Variants in ELAVL4 observed in about 807,000 individuals in gnomAD.
ELAVL4 encodes ELAV like RNA binding protein 4.
A neutral mutation model predicts 35.6 loss-of-function variants in ELAVL4; 1 was observed. The ratio of observed to expected loss-of-function variants is 0.03; its 90% CI spans 0.01 to 0.13. The LOEUF is 0.13. Ranked by LOEUF, ELAVL4 falls within the 10% of genes least tolerant of loss-of-function variation. The pLI, the probability that ELAVL4 is intolerant of heterozygous loss-of-function variation, is 1.00. For missense variants in ELAVL4, 267 were observed against 464.9 expected (o/e 0.57, Z 3.91); for synonymous variants, 156 against 171.0 (o/e 0.91, Z 0.69).
At chr1:50,122,453 T>C (rs1382511909) in intron 1 of ELAVL4, among the ~76,000 whole-genome samples, 2 of 152,246 alleles carry the variant, frequency 1.3e-5, no homozygotes, top group East Asian at 1.9e-4. Context: ...GTTGGATTAA[T>C]TCTCCTCTAG....
chr1:50,139,520 G>A (rs183970793), intron 1 of ELAVL4, among the ~76,000 whole-genome samples: 8 of 152,244 alleles, frequency 5.3e-5, no homozygotes, highest in Admixed American at 5.2e-4. Context: ...TGTTATCTCT[G>A]TATCCCCAGA....
At chr1:50,085,323 GGTCACAC>G (rs1297303975) in intron 1 of ELAVL4, among the ~76,000 whole-genome samples, 1 of 152,138 alleles carries the variant, frequency 6.6e-6, no homozygotes. Flanking sequence ...TTTCCTTTGA[GGTCACAC>G]AGAGAATGTA....
chr1:50,138,550 TCC>T (rs1317534444), intron 1 of ELAVL4, among the ~76,000 whole-genome samples: 2 of 151,884 alleles, frequency 1.3e-5, no homozygotes, highest in African/African-American at 4.8e-5. Flanking sequence ...ACCACCGCCT[TCC>T]AGGTTCAAGT....
chr1:50,101,180 C>T (rs1012037488), upstream of ELAVL4, among the ~76,000 whole-genome samples: 2 of 152,040 alleles, frequency 1.3e-5, no homozygotes, highest in African/African-American at 2.4e-5. Context: ...TATTGATCTT[C>T]GTTCATTCCC....
At chr1:50,059,744 GT>G (rs1663863144) in intron 1 of ELAVL4, among the ~76,000 whole-genome samples, 1 of 151,556 alleles carries the variant, frequency 6.6e-6, no homozygotes, top group Non-Finnish European at 1.5e-5. Flanking sequence ...TAAACAAATT[GT>G]TTTATATAAT....
At chr1:50,053,872 G>A (rs1437559531) in intron 1 of ELAVL4, among the ~76,000 whole-genome samples, 1 of 152,238 alleles carries the variant, frequency 6.6e-6, no homozygotes, top group Non-Finnish European at 1.5e-5. Flanking sequence ...GATTCCAGTG[G>A]AGGATTGCAG....
intron 1 of ELAVL4, 57 bp from the exon 2 acceptor site, chr1:50,144,900 G>C: frequency 1.9e-6 from 3 of 1,582,440 alleles, no homozygotes; most frequent in Non-Finnish European, 1.7e-6. Context: ...ACTTTTAAAA[G>C]AGACTTTGTG....
At chr1:50,066,932 T>C (rs1042727460) in intron 1 of ELAVL4, among the ~76,000 whole-genome samples, 7 of 152,138 alleles carry the variant, frequency 4.6e-5, no homozygotes, top group African/African-American at 1.7e-4. Flanking sequence ...AACTGTCTCA[T>C]TGATGTAACA....
chr1:50,158,223 C>T (rs1170464570), intron 2 of ELAVL4, among the ~76,000 whole-genome samples: 2 of 152,106 alleles, frequency 1.3e-5, no homozygotes, highest in Non-Finnish European at 2.9e-5. Context: ...ATTATTAGCT[C>T]CATTTTATAG....
upstream of ELAVL4, among the ~76,000 whole-genome samples, chr1:50,108,398 A>G (rs1156944985): frequency 1.3e-5 from 2 of 152,224 alleles, no homozygotes; most frequent in African/African-American, 4.8e-5. Context: ...TCTGGAAATA[A>G]TAAAGTTAAA....
At chr1:50,171,111 G>C (rs1678924770) in intron 2 of ELAVL4, among the ~76,000 whole-genome samples, 1 of 152,198 alleles carries the variant, frequency 6.6e-6, no homozygotes, top group Non-Finnish European at 1.5e-5. Context: ...CCTCTGACTA[G>C]TTGGCTGTAG....
intron 1 of ELAVL4, among the ~76,000 whole-genome samples, chr1:50,126,722 GCA>G (rs1669985344): frequency 6.6e-6 from 1 of 151,992 alleles, no homozygotes; most frequent in Non-Finnish European, 1.5e-5. Flanking sequence ...AGAGAAAAAA[GCA>G]CAGTTTATTC....
chr1:50,171,810 G>T (rs1262772553), intron 2 of ELAVL4, among the ~76,000 whole-genome samples: 1 of 152,188 alleles, frequency 6.6e-6, no homozygotes, highest in African/African-American at 2.4e-5. Context: ...AAGCAAGAAA[G>T]ACCTCTCAGA....
At chr1:50,101,955 C>A (rs1181302581), upstream of ELAVL4, among the ~76,000 whole-genome samples, 2 of 152,110 alleles carry the variant, frequency 1.3e-5, no homozygotes, top group African/African-American at 4.8e-5. Context: ...ACAGTAGACT[C>A]CCGGTAAAAT....
chr1:50,195,775 T>C lies in ELAVL4; in HGVS notation c.723T>C (p.Ala241=). 6.2e-7 allele frequency: 1 copy of C among 1,614,074 alleles called. No individual in the cohort carries two copies. Among genetic ancestry groups the C allele is most frequent in the Non-Finnish European group, 8.5e-7 (1 of 1,179,980 alleles). The part of the protein sequence containing the change: ...RRYPGPLHHQ[A]QRFRLDNLLN... ...ACCCAGGTCCACTTCACCACCAGGC[T>C]CAGAGGTTCAGGTAGGCATGCCCAA... Residue 241 remains alanine, a synonymous_variant, in exon 5 of 7, where the codon GCT becomes GCC. Coordinates refer to ENST00000371824, the MANE Select transcript of ELAVL4 (RefSeq NM_001144774.3).
At chr1:50,049,372 G>T (rs1663236481) in intron 1 of ELAVL4, among the ~76,000 whole-genome samples, 1 of 152,188 alleles carries the variant, frequency 6.6e-6, no homozygotes, top group Non-Finnish European at 1.5e-5. Context: ...GAATAAGTTT[G>T]ATGTTTTAAG....
At chr1:50,181,539 T>C (rs556601087) in intron 3 of ELAVL4, among the ~76,000 whole-genome samples, 2 of 152,332 alleles carry the variant, frequency 1.3e-5, no homozygotes, top group African/African-American at 4.8e-5. Context: ...CAGAGCAGCC[T>C]GGAACCCCAC....
At chr1:50,172,930 T>C (rs1201751549) in intron 2 of ELAVL4, among the ~76,000 whole-genome samples, 4 of 152,152 alleles carry the variant, frequency 2.6e-5, no homozygotes, top group Non-Finnish European at 5.9e-5. Context: ...CATTTCTTGT[T>C]TGTGTTTTGT....
Position 50,200,832 on chromosome 1 carries a change from C to T in ELAVL4, c.774-19C>T. The T allele has an allele frequency of 6.2e-7, 1 of 1,608,110 alleles. No homozygotes were observed. Among genetic ancestry groups the T allele is most frequent in the Admixed American group, 1.7e-5 (1 of 59,698 alleles). Reference sequence around the variant, plus strand: ...AGACTGATGTCTGGACCAGTCCCCCCTTCTGCTTGTCCCCCCAGGTTCTCC... The same window carrying T: ...AGACTGATGTCTGGACCAGTCCCCCTTTCTGCTTGTCCCCCCAGGTTCTCC... On this transcript the variant is annotated intron_variant, in intron 6 of 6. Coordinates refer to ENST00000371824, the MANE Select transcript of ELAVL4 (RefSeq NM_001144774.3).
Sources: allele counts gnomAD v4.1 joint callset (sites outside exome capture counted in the v4.1 genomes callset), GRCh38; gene constraint gnomAD v4.1.1; transcripts MANE v1.5; gene names NCBI Gene and HGNC (gene_info 2026-07-23, HGNC 2026-07-21).